The following WNT5A variants were observed in gnomAD, a reference collection of about 807,000 sequenced individuals.
WNT5A encodes protein Wnt-5a.
WNT5A carries 9 observed loss-of-function variants against 42.1 expected under a neutral mutation model. The observed-to-expected ratio is 0.21, with a 90% confidence interval of 0.13 to 0.37. The LOEUF (loss-of-function observed/expected upper bound fraction) is 0.37. Among genes scored for constraint, WNT5A ranks in the 10% least tolerant of loss-of-function variants. The pLI is 1.00. For synonymous variants in WNT5A, 210 were observed against 210.0 expected, an observed-to-expected ratio of 1.00 and a Z score of 0.00; for missense variants, 426 against 534.0, an observed-to-expected ratio of 0.80 and a Z score of 1.99.
intron 3 of WNT5A, among the ~76,000 whole-genome samples, chr3:55,476,074 A>C (rs1411142775): frequency 6.6e-6 from 1 of 152,206 alleles, no homozygotes; most frequent in Non-Finnish European, 1.5e-5. Context: ...GCTTGCTAAC[A>C]ATCTTTTTTC....
At chr3:55,478,967 C>T (rs769994101) in intron 3 of WNT5A, 4 of 165,986 alleles carry the variant, frequency 2.4e-5, no homozygotes, top group Admixed American at 6.4e-5. Context: ...AGAGTTTCGA[C>T]GTTTAAAAGC....
In WNT5A at chr3:55,469,988, TG is replaced by T; in HGVS notation, c.*103del. On this transcript the variant is annotated 3_prime_UTR_variant, in exon 5 of 5. Coordinates refer to ENST00000264634, the MANE Select transcript of WNT5A (RefSeq NM_003392.7). ...AAAAAATGGTTCCGGTTGCAATTCT[TG>T]GGGAAAAATAAAAAATATTTCTAAA... The T allele has an allele frequency of 7.0e-7, 1 of 1,429,966 alleles. No individual in the cohort carries two copies. The highest frequency in any genetic ancestry group is 9.6e-7 in the Non-Finnish European group (1 of 1,036,350). The allele number at this position is 1,429,966 out of a possible 1,614,324, so 88.6% of individuals were successfully genotyped here. A position where few individuals can be genotyped will look rare whatever the true frequency, so the allele number is the denominator to read the frequency against.
At chr3:55,485,030 A>G (rs1258898717) in intron 1 of WNT5A, among the ~76,000 whole-genome samples, 1 of 152,138 alleles carries the variant, frequency 6.6e-6, no homozygotes, top group Non-Finnish European at 1.5e-5. Context: ...CCCTGTGTCC[A>G]GCTGGCCGAG....
chr3:55,489,293 G>GCGCGCGCA (rs1305251700), upstream of WNT5A: 2 of 148,698 alleles, frequency 1.3e-5, no homozygotes, highest in Non-Finnish European at 3.0e-5. Context: ...ACACACGCGC[G>GCGCGCGCA]CACACACACA....
At chr3:55,482,512 G>A (rs573601200) in intron 1 of WNT5A, among the ~76,000 whole-genome samples, 98 of 152,300 alleles carry the variant, frequency 6.4e-4, no homozygotes, top group Non-Finnish European at 1.2e-3. Flanking sequence ...GGGCAGAGGG[G>A]ACCTAGGCAG....
the WNT5A span, among the ~76,000 whole-genome samples, chr3:55,502,250 C>T: frequency 3.9e-5 from 6 of 152,154 alleles, no homozygotes; most frequent in Non-Finnish European, 5.9e-5. Flanking sequence ...AATCTTTTTT[C>T]GACCCCTTTG....
upstream of WNT5A, among the ~76,000 whole-genome samples, chr3:55,491,738 G>A (rs544716284): frequency 6.4e-4 from 98 of 152,330 alleles, no homozygotes; most frequent in Non-Finnish European, 1.3e-3. Flanking sequence ...AGAAAGCCTG[G>A]AGGCCATAAA....
the WNT5A span, among the ~76,000 whole-genome samples, chr3:55,497,969 T>C: frequency 6.6e-6 from 1 of 152,224 alleles, no homozygotes; most frequent in Non-Finnish European, 1.5e-5. Flanking sequence ...TCTACAGAGG[T>C]TAAAATGAAA....
At chr3:55,481,695 GGA>G (rs1393845953) in intron 1 of WNT5A, among the ~76,000 whole-genome samples, 1 of 152,116 alleles carries the variant, frequency 6.6e-6, no homozygotes. Flanking sequence ...AGGGGATAAT[GGA>G]GAGAGAGGTC....
At chr3:55,495,305 T>C (rs2051704469), upstream of WNT5A, among the ~76,000 whole-genome samples, 2 of 152,182 alleles carry the variant, frequency 1.3e-5, no homozygotes, top group Admixed American at 1.3e-4. Flanking sequence ...CCTATCTAAC[T>C]GAAAATTTGC....
chr3:55,498,944 A>G, the WNT5A span, among the ~76,000 whole-genome samples: 1 of 152,242 alleles, frequency 6.6e-6, no homozygotes, highest in Non-Finnish European at 1.5e-5. Flanking sequence ...AATGCCAAGA[A>G]AAATGAGACA....
chr3:55,485,952 G>A (rs182686115), intron 1 of WNT5A, among the ~76,000 whole-genome samples: 1 of 152,074 alleles, frequency 6.6e-6, no homozygotes, highest in Non-Finnish European at 1.5e-5. Flanking sequence ...ACTTAAAATG[G>A]GAAAGACCAG....
chr3:55,481,212 C>A, intron 1 of WNT5A: 1 of 836,694 alleles, frequency 1.2e-6, no homozygotes, highest in South Asian at 5.4e-5. Context: ...GGCGCTGCCT[C>A]CTTCCTGCTC....
At chr3:55,474,206 G>A (rs1335964941) in intron 4 of WNT5A, 131 bp downstream of exon 4, 1 of 1,114,936 alleles carries the variant, frequency 9.0e-7, no homozygotes, top group East Asian at 2.6e-5. Context: ...GAGAAGCAGA[G>A]AGATAGAGAC....
upstream of WNT5A, among the ~76,000 whole-genome samples, chr3:55,490,803 A>G (rs568945994): frequency 6.6e-6 from 1 of 152,366 alleles, no homozygotes; most frequent in South Asian, 2.1e-4. Context: ...CTGAATGAAT[A>G]CAAATGCATT....
chr3:55,498,750 G>T, the WNT5A span, among the ~76,000 whole-genome samples: 1 of 152,058 alleles, frequency 6.6e-6, no homozygotes, highest in African/African-American at 2.4e-5. Flanking sequence ...ACACAGACTA[G>T]ATTAACAGAG....
the WNT5A span, among the ~76,000 whole-genome samples, chr3:55,501,365 G>A: frequency 6.6e-6 from 1 of 152,312 alleles, no homozygotes; most frequent in African/African-American, 2.4e-5. Flanking sequence ...TCCAAATGTG[G>A]TATTCATTTT....
At chr3:55,494,696 G>A (rs978709018), upstream of WNT5A, among the ~76,000 whole-genome samples, 2 of 152,046 alleles carry the variant, frequency 1.3e-5, no homozygotes, top group African/African-American at 2.4e-5. Flanking sequence ...CTGCCACCAC[G>A]CCTGGCTAAT....
intron 1 of WNT5A, among the ~76,000 whole-genome samples, chr3:55,484,516 C>T (rs1219872618): frequency 6.6e-6 from 1 of 152,160 alleles, no homozygotes; most frequent in Non-Finnish European, 1.5e-5. Flanking sequence ...GAGGTTACAC[C>T]TTGAGCCAGA....
Sources: gnomAD v4.1 joint callset for allele counts (sites outside exome capture counted in the v4.1 genomes callset) on GRCh38, gnomAD v4.1.1 for gene constraint, MANE v1.5 for transcripts, NCBI Gene and HGNC (gene_info 2026-07-23, HGNC 2026-07-21) for gene names.